Variants in AGTPBP1 observed in about 807,000 individuals in gnomAD.
The protein encoded by AGTPBP1 is cytosolic carboxypeptidase 1.
A neutral mutation model predicts 143.9 loss-of-function variants in AGTPBP1; 70 were observed. The ratio of observed to expected loss-of-function variants is 0.49; its 90% CI spans 0.40 to 0.59. AGTPBP1 has a LOEUF of 0.59. Among genes scored for constraint, AGTPBP1 ranks in the 20% least tolerant of loss-of-function variants. The pLI is 0.00. For synonymous variants in AGTPBP1, 463 were observed against 500.2 expected (o/e 0.93, Z 0.99); for missense variants, 1,229 against 1,464.5 (o/e 0.84, Z 2.62).
At chr9:85,638,836 A>T (rs1214110545) in intron 13 of AGTPBP1, among the ~76,000 whole-genome samples, 1 of 152,034 alleles carries the variant, frequency 6.6e-6, no homozygotes, top group Non-Finnish European at 1.5e-5. Flanking sequence ...TCATAATCAT[A>T]ATCACAAGTG....
At chr9:85,647,252 G>A (rs1223248812) in intron 11 of AGTPBP1, among the ~76,000 whole-genome samples, 1 of 152,118 alleles carries the variant, frequency 6.6e-6, no homozygotes, top group Non-Finnish European at 1.5e-5. Context: ...ACTCCAGCCT[G>A]GGCAACAAGA....
chr9:85,760,788 A>G, the AGTPBP1 span, among the ~76,000 whole-genome samples: 1 of 152,210 alleles, frequency 6.6e-6, no homozygotes, highest in Non-Finnish European at 1.5e-5. Context: ...GGCAGGAGAA[A>G]GAAATAAAGG....
At chr9:85,700,317 G>C (rs1836561126) in intron 2 of AGTPBP1, among the ~76,000 whole-genome samples, 1 of 152,088 alleles carries the variant, frequency 6.6e-6, no homozygotes, top group Non-Finnish European at 1.5e-5. Flanking sequence ...AAGTCAGCAG[G>C]AGACTCAACT....
At chr9:85,769,328 C>T in the AGTPBP1 span, among the ~76,000 whole-genome samples, 1 of 151,912 alleles carries the variant, frequency 6.6e-6, no homozygotes, top group African/African-American at 2.4e-5. Flanking sequence ...CAAATCTCAC[C>T]AATCTGAAGT....
At chr9:85,612,962 C>T (rs1309510078) in intron 17 of AGTPBP1, among the ~76,000 whole-genome samples, 1 of 151,890 alleles carries the variant, frequency 6.6e-6, no homozygotes, top group Non-Finnish European at 1.5e-5. Context: ...TCCAAGTGCC[C>T]ATGAGCACAA....
the AGTPBP1 span, among the ~76,000 whole-genome samples, chr9:85,798,235 C>T: frequency 6.6e-6 from 1 of 152,162 alleles, no homozygotes; most frequent in East Asian, 1.9e-4. Context: ...TACACCTTTA[C>T]TTGGATGGAG....
chr9:85,664,377 T>C lies in AGTPBP1; in HGVS notation c.663-3404A>G, dbSNP rs1834015941. On this transcript the variant is annotated intron_variant, in intron 8 of 25. Coordinates refer to ENST00000357081, the MANE Select transcript of AGTPBP1 (RefSeq NM_001330701.2). ...TTCATATAGCATTTTACAACCGTGT[T>C]GGTGTTGGTATAAAGATGAATGAAC... Among the ~76,000 whole-genome samples the C allele has an allele frequency of 2.0e-5, 3 of 152,166 alleles. No homozygotes were observed. In the South Asian group the frequency reaches 6.2e-4, roughly 32 times the overall value.
At chr9:85,748,202 G>A in the AGTPBP1 span, among the ~76,000 whole-genome samples, 71 of 152,212 alleles carry the variant, frequency 4.7e-4, no homozygotes, top group African/African-American at 1.5e-3. Flanking sequence ...TCGTAATACT[G>A]TGCATCCAGC....
At chr9:85,661,879 A>T (rs1022522633) in intron 8 of AGTPBP1, among the ~76,000 whole-genome samples, 2 of 152,176 alleles carry the variant, frequency 1.3e-5, no homozygotes, top group Admixed American at 1.3e-4. Context: ...ATTATGAAAC[A>T]ATCATTTCAC....
intron 25 of AGTPBP1, among the ~76,000 whole-genome samples, chr9:85,550,199 G>C (rs1482236494): frequency 6.8e-6 from 1 of 147,934 alleles, no homozygotes; most frequent in Non-Finnish European, 1.5e-5. Flanking sequence ...GTGTGTGAGA[G>C]AGAGAGAGAG....
At chr9:85,760,961 T>C in the AGTPBP1 span, among the ~76,000 whole-genome samples, 5 of 152,200 alleles carry the variant, frequency 3.3e-5, no homozygotes, top group South Asian at 2.1e-4. Flanking sequence ...ACAAGCATTC[T>C]TATACACCAA....
the AGTPBP1 span, chr9:85,770,303 A>G: frequency 6.2e-7 from 1 of 1,602,112 alleles, no homozygotes; most frequent in African/African-American, 1.3e-5. Context: ...GTTCTTTTCC[A>G]ACTTGAAGAA....
intron 1 of AGTPBP1, among the ~76,000 whole-genome samples, chr9:85,734,359 A>T (rs1009369404): frequency 5.3e-5 from 8 of 152,172 alleles, no homozygotes; most frequent in African/African-American, 1.9e-4. Flanking sequence ...GTTCTTTTCA[A>T]CTCTTCCAGA....
At chr9:85,724,246 C>T (rs957587083) in intron 1 of AGTPBP1, among the ~76,000 whole-genome samples, 1 of 144,470 alleles carries the variant, frequency 6.9e-6, no homozygotes, top group Non-Finnish European at 1.5e-5. Context: ...AAGATCACAC[C>T]ATTGCACTCC....
chr9:85,798,899 T>C, the AGTPBP1 span, among the ~76,000 whole-genome samples: 1 of 152,238 alleles, frequency 6.6e-6, no homozygotes, highest in East Asian at 1.9e-4. Flanking sequence ...GTGTACAATG[T>C]GCAGTCTGAT....
the AGTPBP1 span, among the ~76,000 whole-genome samples, chr9:85,755,459 T>G: frequency 6.6e-6 from 1 of 152,324 alleles, no homozygotes; most frequent in East Asian, 1.9e-4. Context: ...TTTTTTAAAA[T>G]AATTATTTGA....
intron 22 of AGTPBP1, 108 bp from the exon 23 acceptor site, chr9:85,585,702 T>G: frequency 1.2e-6 from 1 of 863,398 alleles, no homozygotes; most frequent in Non-Finnish European, 1.6e-6. Context: ...TCCTTGGTCT[T>G]TTTATTGTAA....
the AGTPBP1 span, among the ~76,000 whole-genome samples, chr9:85,789,379 A>G: frequency 6.6e-6 from 1 of 152,080 alleles, no homozygotes; most frequent in Non-Finnish European, 1.5e-5. Flanking sequence ...TTTTCTAAAC[A>G]TTTTGTCACT....
the AGTPBP1 span, chr9:85,770,288 A>G: frequency 1.3e-6 from 2 of 1,584,150 alleles, no homozygotes; most frequent in African/African-American, 1.3e-5. Context: ...ATCTAGGAAG[A>G]ACATGTTCTT....
Sources: allele counts gnomAD v4.1 joint callset (sites outside exome capture counted in the v4.1 genomes callset), GRCh38; gene constraint gnomAD v4.1.1; transcripts MANE v1.5; gene names NCBI Gene and HGNC (gene_info 2026-07-23, HGNC 2026-07-21).